The following KIAA1328 variants were observed in gnomAD, a reference collection of about 807,000 sequenced individuals.
The protein encoded by KIAA1328 is KIAA1328.
Under a neutral mutation model 68.1 loss-of-function variants are expected in KIAA1328, and 52 were observed. The observed-to-expected ratio is 0.76, with a 90% CI of 0.61 to 0.96. The LOEUF (loss-of-function observed/expected upper bound fraction) is 0.96, where lower values mean the gene tolerates loss of function less well. Among genes scored for constraint, KIAA1328 ranks in the 40% least tolerant of loss-of-function variants. The pLI is 0.00. For missense variants in KIAA1328, 641 were observed against 677.6 expected (o/e 0.95, Z 0.60); for synonymous variants, 232 against 239.4 (o/e 0.97, Z 0.28).
At chr18:37,133,397 G>C (rs919799198) in intron 7 of KIAA1328, among the ~76,000 whole-genome samples, 13 of 152,094 alleles carry the variant, frequency 8.5e-5, no homozygotes, top group African/African-American at 3.1e-4. Flanking sequence ...GACTGCACTG[G>C]AATAGTAGAG....
chr18:37,127,685 T>C (rs2058426179), intron 7 of KIAA1328, among the ~76,000 whole-genome samples: 1 of 152,168 alleles, frequency 6.6e-6, no homozygotes, highest in Non-Finnish European at 1.5e-5. Flanking sequence ...TTCAATGCAA[T>C]CCAAATCAAA....
Position 36,841,468 on chromosome 18 carries a change from A to G in KIAA1328, c.238-2740A>G, listed in dbSNP as rs533774570. ...GGATTCTTTTCTTCTTTGAATTGCAATGATACCATTGTTGTAAGTCAAGTG... is the reference window on the plus strand; with the variant it reads ...GGATTCTTTTCTTCTTTGAATTGCAGTGATACCATTGTTGTAAGTCAAGTG... On this transcript the variant is annotated intron_variant, in intron 3 of 9. Transcript: ENST00000280020. Among the ~76,000 whole-genome samples, 47 of 151,922 alleles carry G rather than the reference A, an allele frequency of 3.1e-4. No homozygotes were observed. In the South Asian group the frequency reaches 6.1e-3, roughly 20 times the overall value.
At chr18:37,201,760 T>C (rs2654541) in intron 9 of KIAA1328, among the ~76,000 whole-genome samples, 14,732 of 152,166 alleles carry the variant, frequency 0.097, 2,404 homozygotes, top group African/African-American at 0.33. Context: ...TGAACTCTTC[T>C]TGAGGTCCCC....
At chr18:36,981,876 A>C (rs921313723) in intron 6 of KIAA1328, among the ~76,000 whole-genome samples, 1 of 151,454 alleles carries the variant, frequency 6.6e-6, no homozygotes, top group African/African-American at 2.4e-5. Flanking sequence ...TATAGGCATG[A>C]GCCACCACAC....
intron 6 of KIAA1328, among the ~76,000 whole-genome samples, chr18:37,030,642 G>A (rs1441477419): frequency 6.6e-6 from 1 of 152,010 alleles, no homozygotes; most frequent in African/African-American, 2.4e-5. Flanking sequence ...ATTGGATATA[G>A]TATTCTGTTT....
At chr18:36,938,309 C>A (rs566334832) in intron 5 of KIAA1328, among the ~76,000 whole-genome samples, 1 of 152,074 alleles carries the variant, frequency 6.6e-6, no homozygotes, top group East Asian at 1.9e-4. Flanking sequence ...GGGAACGAGG[C>A]AATACCTTAT....
chr18:37,180,498 AT>A (rs1184020194), intron 9 of KIAA1328, among the ~76,000 whole-genome samples: 3 of 152,154 alleles, frequency 2.0e-5, no homozygotes, highest in Non-Finnish European at 4.4e-5. Flanking sequence ...TAACATTGGA[AT>A]TTGTTTTGTT....
At chr18:37,016,960 A>C (rs1456005382) in intron 6 of KIAA1328, among the ~76,000 whole-genome samples, 1 of 152,122 alleles carries the variant, frequency 6.6e-6, no homozygotes, top group Middle Eastern at 3.4e-3. Context: ...TTGGGCCTCA[A>C]TTTCATTCAG....
intron 5 of KIAA1328, chr18:36,895,785 A>G: frequency 4.4e-6 from 2 of 456,246 alleles, no homozygotes; most frequent in Non-Finnish European, 8.8e-6. Context: ...TTAAGGTTAA[A>G]TGAGGTCATA....
At chr18:37,094,606 AC>A (rs1277522487) in intron 7 of KIAA1328, among the ~76,000 whole-genome samples, 1 of 152,196 alleles carries the variant, frequency 6.6e-6, no homozygotes, top group Non-Finnish European at 1.5e-5. Context: ...GCCAAATGTT[AC>A]CACTACAAAA....
chr18:37,191,110 T>C (rs888761310), intron 9 of KIAA1328, among the ~76,000 whole-genome samples: 1 of 152,330 alleles, frequency 6.6e-6, no homozygotes. Context: ...TGGCTACACT[T>C]GGTTTCTCTG....
Position 36,921,563 on chromosome 18 carries a change from C to T in KIAA1328, c.448+35891C>T, listed in dbSNP as rs1024212486. Reference sequence around the variant, plus strand: ...GGACTACAGGCGCCCACCACCACACCGAGCTAATTTTTTTGTATTTTTAGT... The same window carrying T: ...GGACTACAGGCGCCCACCACCACACTGAGCTAATTTTTTTGTATTTTTAGT... On this transcript the variant is annotated intron_variant, in intron 5 of 9. Transcript: ENST00000280020. 7.2e-5 allele frequency among the ~76,000 whole-genome samples: 11 copies of T among 151,986 alleles called. 1 individual carries two copies. Among genetic ancestry groups the T allele is most frequent in the Admixed American group, 5.9e-4 (9 of 15,250 alleles).
intron 5 of KIAA1328, among the ~76,000 whole-genome samples, chr18:36,915,550 G>A (rs913861304): frequency 1.3e-5 from 2 of 152,052 alleles, no homozygotes; most frequent in African/African-American, 2.4e-5. Context: ...AGCATAGTAC[G>A]GCAATAAACA....
In KIAA1328 at chr18:37,081,367, GA is replaced by G. The variant is rs567020234; in HGVS notation, c.1232+13824del. 2.2e-4 allele frequency among the ~76,000 whole-genome samples: 34 copies of G among 152,260 alleles called. No homozygotes were observed. In the East Asian group the frequency reaches 3.9e-3, roughly 17 times the overall value. On this transcript the variant is annotated intron_variant, in intron 7 of 9. Coordinates refer to ENST00000280020, the MANE Select transcript of KIAA1328 (RefSeq NM_020776.3). Reference sequence around the variant, plus strand: ...TATCATAGTTAGCTGGTGAAACCCAGAACTAGGACCATAAATCTATCCATTT... The same window carrying G: ...TATCATAGTTAGCTGGTGAAACCCAGACTAGGACCATAAATCTATCCATTT...
intron 6 of KIAA1328, among the ~76,000 whole-genome samples, chr18:37,060,164 A>G (rs2056092154): frequency 4.6e-5 from 7 of 152,068 alleles, no homozygotes. Context: ...TAATAATAAT[A>G]ATAATAATAA....
intron 8 of KIAA1328, among the ~76,000 whole-genome samples, chr18:37,169,565 C>T (rs141132750): frequency 5.9e-5 from 9 of 151,620 alleles, no homozygotes; most frequent in Non-Finnish European, 1.2e-4. Context: ...ATATAGAGTT[C>T]CATGAATATG....
At chr18:37,157,415 ATTT>A (rs2154210776) in intron 7 of KIAA1328, among the ~76,000 whole-genome samples, 1 of 152,206 alleles carries the variant, frequency 6.6e-6, no homozygotes, top group Non-Finnish European at 1.5e-5. Context: ...ATTTTTGTAT[ATTT>A]TTATTTTTAT....
intron 5 of KIAA1328, among the ~76,000 whole-genome samples, chr18:36,904,240 C>T (rs1206343914): frequency 6.6e-6 from 1 of 151,980 alleles, no homozygotes; most frequent in East Asian, 1.9e-4. Flanking sequence ...GTGGATTATC[C>T]TGAAATTGTC....
chr18:37,121,280 T>G (rs1206027231), intron 7 of KIAA1328, among the ~76,000 whole-genome samples: 1 of 152,178 alleles, frequency 6.6e-6, no homozygotes, highest in Admixed American at 6.6e-5. Flanking sequence ...TCTAAGTTAT[T>G]GTAAAATCAA....
Sources: gnomAD v4.1 joint callset for allele counts (sites outside exome capture counted in the v4.1 genomes callset) on GRCh38, gnomAD v4.1.1 for gene constraint, MANE v1.5 for transcripts, NCBI Gene and HGNC (gene_info 2026-07-23, HGNC 2026-07-21) for gene names.